The following FAM227B variants were observed in gnomAD, a reference collection of about 807,000 sequenced individuals.
The protein encoded by FAM227B is family with sequence similarity 227 member B, also known as protein FAM227B.
In FAM227B, 88 loss-of-function variants were observed where a neutral mutation model predicts 73.8. The observed-to-expected ratio is 1.19, with a 90% confidence interval of 1.00 to 1.42. The LOEUF is 1.42. FAM227B is among the 40% of genes most tolerant of loss of function. The pLI, the probability that FAM227B is intolerant of heterozygous loss-of-function variation, is 0.00. For synonymous variants in FAM227B, 210 were observed against 190.5 expected (o/e 1.10, Z -0.84); for missense variants, 632 against 590.9 (o/e 1.07, Z -0.72).
chr15:49,515,095 T>C lies in FAM227B; in HGVS notation c.875-6747A>G, dbSNP rs532856014. Among the ~76,000 whole-genome samples the C allele has an allele frequency of 2.0e-5, 3 of 152,280 alleles. No individual in the cohort carries two copies. The South Asian group carries it at 6.2e-4, about 32-fold the overall frequency. On this transcript the variant is annotated intron_variant, in intron 10 of 15. Coordinates refer to ENST00000299338, the MANE Select transcript of FAM227B (RefSeq NM_152647.3). Reference sequence around the variant, plus strand: ...TATTCTCTCTTTTCTCCTTTAGGGATTCCAATTACATATATGCCTGACAGT... The same window carrying C: ...TATTCTCTCTTTTCTCCTTTAGGGACTCCAATTACATATATGCCTGACAGT...
At chr15:49,586,247 T>A (rs117630510) in intron 5 of FAM227B, among the ~76,000 whole-genome samples, 2 of 152,128 alleles carry the variant, frequency 1.3e-5, no homozygotes, top group East Asian at 3.9e-4. Context: ...CATCTACAAC[T>A]ACCTGATCTT....
chr15:49,555,245 A>G (rs1021732691), intron 9 of FAM227B, among the ~76,000 whole-genome samples: 2 of 152,192 alleles, frequency 1.3e-5, no homozygotes, highest in Non-Finnish European at 2.9e-5. Context: ...TATAAAGCAG[A>G]TTTGTTGGTA....
chr15:49,590,952 C>T (rs2076487733), intron 3 of FAM227B, among the ~76,000 whole-genome samples: 1 of 150,908 alleles, frequency 6.6e-6, no homozygotes. Flanking sequence ...TACATAGCAT[C>T]ATGTCCTCCA....
At chr15:49,372,855 G>A (rs188090192) in intron 11 of FAM227B, among the ~76,000 whole-genome samples, 26 of 152,150 alleles carry the variant, frequency 1.7e-4, no homozygotes, top group African/African-American at 6.3e-4. Context: ...GTTGATTTTT[G>A]ACATTAGACA....
chr15:49,541,500 T>C (rs1007563231), intron 10 of FAM227B, among the ~76,000 whole-genome samples, 180 bp downstream of exon 10: 1 of 152,130 alleles, frequency 6.6e-6, no homozygotes, highest in African/African-American at 2.4e-5. Context: ...TAATTAATTA[T>C]GGTATAATGA....
Position 49,497,440 on chromosome 15 carries a change from T to G in FAM227B, c.1012+10771A>C, listed in dbSNP as rs995542103. Among the ~76,000 whole-genome samples the G allele has an allele frequency of 8.5e-5, 13 of 152,200 alleles. 1 individual carries two copies. Among genetic ancestry groups the G allele is most frequent in the Admixed American group, 8.5e-4 (13 of 15,278 alleles). ...GCCAAGCCCCTTTGCAATGATTTCC[T>G]ATAGGATAGGAATGTTTCAGTTTCT... On this transcript the variant is annotated intron_variant, in intron 11 of 15. Coordinates refer to ENST00000299338, the MANE Select transcript of FAM227B (RefSeq NM_152647.3).
At chr15:49,358,747 C>T (rs2043632677) in intron 13 of FAM227B, among the ~76,000 whole-genome samples, 1 of 151,880 alleles carries the variant, frequency 6.6e-6, no homozygotes, top group Non-Finnish European at 1.5e-5. Context: ...CTTTAAAGTT[C>T]ATATGGAACC....
chr15:49,618,015 G>C (rs1337757193), intron 1 of FAM227B, among the ~76,000 whole-genome samples: 1 of 151,966 alleles, frequency 6.6e-6, no homozygotes, highest in Admixed American at 6.6e-5. Context: ...CCCCTCTCTT[G>C]ACATCTTGTC....
At chr15:49,417,055 G>C (rs548542819) in intron 11 of FAM227B, among the ~76,000 whole-genome samples, 4 of 152,020 alleles carry the variant, frequency 2.6e-5, no homozygotes, top group African/African-American at 4.8e-5. Context: ...AATTCATATG[G>C]AACCATAAAA....
rs189897367 is a variant in FAM227B, at chr15:49,467,255, A to T, written c.1012+40956T>A. 2.0e-3 allele frequency among the ~76,000 whole-genome samples: 299 copies of T among 152,294 alleles called. 2 individuals carry two copies. The highest frequency in any genetic ancestry group is 6.9e-3 in the African/African-American group (286 of 41,576). On this transcript the variant is annotated intron_variant, in intron 11 of 15. Transcript: ENST00000299338. ...GTGACTCCTAGAGGTAGCTATGAAC[A>T]AAACGTTAATGAAAGTTTCTATAAC...
intron 10 of FAM227B, among the ~76,000 whole-genome samples, chr15:49,519,949 TC>T (rs1330466729): frequency 6.6e-6 from 1 of 152,166 alleles, no homozygotes; most frequent in African/African-American, 2.4e-5. Flanking sequence ...AAATTCCAAT[TC>T]CAAACCATAT....
chr15:49,523,404 C>T (rs2059925378), intron 10 of FAM227B, among the ~76,000 whole-genome samples: 2 of 152,174 alleles, frequency 1.3e-5, no homozygotes, highest in Non-Finnish European at 2.9e-5. Flanking sequence ...TCTTTGCCTG[C>T]TGCCATCCAT....
At chr15:49,536,085 A>AG (rs1320168637) in intron 10 of FAM227B, among the ~76,000 whole-genome samples, 1 of 150,796 alleles carries the variant, frequency 6.6e-6, no homozygotes, top group Admixed American at 6.6e-5. Flanking sequence ...AAAAAAAAAA[A>AG]AAAAAGAAAA....
At chr15:49,345,138 GATGT>G (rs889946117) in intron 13 of FAM227B, among the ~76,000 whole-genome samples, 1 of 152,142 alleles carries the variant, frequency 6.6e-6, no homozygotes, top group Non-Finnish European at 1.5e-5. Flanking sequence ...TGAGGGAGGT[GATGT>G]ATTTGTCACT....
chr15:49,484,910 T>C (rs369619368), intron 11 of FAM227B: 1 of 153,964 alleles, frequency 6.5e-6, no homozygotes, highest in South Asian at 2.1e-4. Flanking sequence ...TGTTGTTATA[T>C]AAGGTATATC....
intron 3 of FAM227B, 78 bp from the exon 4 acceptor site, chr15:49,590,085 G>A: frequency 1.3e-6 from 1 of 751,062 alleles, no homozygotes; most frequent in Non-Finnish European, 2.3e-6. Flanking sequence ...AAACCAATGA[G>A]CTATAATCGA....
intron 11 of FAM227B, chr15:49,488,690 T>A (rs1285384958): frequency 6.6e-6 from 1 of 152,058 alleles, no homozygotes; most frequent in Non-Finnish European, 1.5e-5. Context: ...ATTTCACTTA[T>A]GAAAAACCCT....
At chr15:49,418,580 A>G (rs1597058753) in intron 11 of FAM227B, among the ~76,000 whole-genome samples, 1 of 152,146 alleles carries the variant, frequency 6.6e-6, no homozygotes, top group African/African-American at 2.4e-5. Context: ...CCACTTATAA[A>G]TAGAGCTAAG....
chr15:49,549,918 C>G (rs1220309353), intron 9 of FAM227B, among the ~76,000 whole-genome samples: 1 of 128,294 alleles, frequency 7.8e-6, no homozygotes, highest in African/African-American at 2.5e-5. Flanking sequence ...GGGGCTGACC[C>G]CCCCCACCTC....
Sources: allele counts gnomAD v4.1 joint callset (sites outside exome capture counted in the v4.1 genomes callset), GRCh38; gene constraint gnomAD v4.1.1; transcripts MANE v1.5; gene names NCBI Gene and HGNC (gene_info 2026-07-23, HGNC 2026-07-21).